GALNT13: variants seen among roughly 807,000 people sequenced by gnomAD.
GALNT13 encodes polypeptide N-acetylgalactosaminyltransferase 13.
Under a neutral mutation model 64.2 loss-of-function variants are expected in GALNT13, and 28 were observed. The observed-to-expected ratio is 0.44, with a 90% CI of 0.32 to 0.60. The LOEUF is 0.60. Ranked by LOEUF, GALNT13 falls within the 20% of genes least tolerant of loss-of-function variation. GALNT13 has a pLI of 0.05. For missense variants in GALNT13, 577 were observed against 669.8 expected, an observed-to-expected ratio of 0.86 and a Z score of 1.53; for synonymous variants, 214 against 224.6, an observed-to-expected ratio of 0.95 and a Z score of 0.42.
At chr2:154,224,213 A>G (rs1053508037) in intron 4 of GALNT13, among the ~76,000 whole-genome samples, 3 of 152,118 alleles carry the variant, frequency 2.0e-5, no homozygotes, top group Non-Finnish European at 4.4e-5. Context: ...AAATGTAGCT[A>G]TGATAAATCT....
intron 3 of GALNT13, among the ~76,000 whole-genome samples, chr2:154,055,854 A>G (rs1465724165): frequency 6.6e-6 from 1 of 152,126 alleles, no homozygotes; most frequent in Non-Finnish European, 1.5e-5. Context: ...CAAAGGCAGT[A>G]GGGTATGATC....
chr2:153,750,757 T>TA, the GALNT13 span, among the ~76,000 whole-genome samples: 1 of 151,862 alleles, frequency 6.6e-6, no homozygotes, highest in Admixed American at 6.6e-5. Context: ...GTTTAATTTT[T>TA]AAAAAAACAA....
chr2:154,039,393 A>C (rs1367231641), intron 3 of GALNT13, among the ~76,000 whole-genome samples: 1 of 140,592 alleles, frequency 7.1e-6, no homozygotes, highest in Non-Finnish European at 1.6e-5. Context: ...GATCAAGAAA[A>C]ATGTGGTATG....
At chr2:153,783,398 G>GT in the GALNT13 span, among the ~76,000 whole-genome samples, 1 of 143,136 alleles carries the variant, frequency 7.0e-6, no homozygotes, top group Non-Finnish European at 1.6e-5. Context: ...TTCTGTTTTT[G>GT]TTTTTTTGTT....
At chr2:153,172,594 C>T in the GALNT13 span, among the ~76,000 whole-genome samples, 3 of 152,094 alleles carry the variant, frequency 2.0e-5, no homozygotes, top group African/African-American at 4.8e-5. Flanking sequence ...GGGCAGGTAC[C>T]AACAATGCCC....
At chr2:153,322,318 C>A in the GALNT13 span, among the ~76,000 whole-genome samples, 1 of 152,020 alleles carries the variant, frequency 6.6e-6, no homozygotes, top group Non-Finnish European at 1.5e-5. Flanking sequence ...CCAGCTGAAT[C>A]CATGTTGCTG....
intron 2 of GALNT13, among the ~76,000 whole-genome samples, chr2:153,907,037 A>T (rs924521864): frequency 1.4e-4 from 22 of 152,132 alleles, no homozygotes; most frequent in Non-Finnish European, 2.1e-4. Context: ...GGCTGCATAA[A>T]TGTCTTCTTT....
chr2:153,752,955 T>C, the GALNT13 span, among the ~76,000 whole-genome samples: 1 of 152,154 alleles, frequency 6.6e-6, no homozygotes, highest in Non-Finnish European at 1.5e-5. Flanking sequence ...TCCTTTGAAC[T>C]CCTTTGTGTA....
chr2:154,346,866 A>G (rs941684335), intron 9 of GALNT13, among the ~76,000 whole-genome samples: 1 of 152,102 alleles, frequency 6.6e-6, no homozygotes, highest in African/African-American at 2.4e-5. Flanking sequence ...AGCCATGCAA[A>G]TTACATCTTC....
At chr2:153,088,687 G>T in the GALNT13 span, among the ~76,000 whole-genome samples, 11 of 152,040 alleles carry the variant, frequency 7.2e-5, no homozygotes, top group South Asian at 2.3e-3. Flanking sequence ...TTTTGCTGTT[G>T]AACTAATCCT....
the GALNT13 span, among the ~76,000 whole-genome samples, chr2:153,251,517 T>C: frequency 1.3e-5 from 2 of 152,112 alleles, no homozygotes; most frequent in African/African-American, 4.8e-5. Context: ...ATGTGCACAA[T>C]GTGCAGGTAA....
At chr2:153,995,863 TCAA>T (rs970926195) in intron 3 of GALNT13, among the ~76,000 whole-genome samples, 2 of 152,106 alleles carry the variant, frequency 1.3e-5, no homozygotes, top group African/African-American at 2.4e-5. Flanking sequence ...TAAACACTAT[TCAA>T]CTCTCCACTT....
intron 9 of GALNT13, among the ~76,000 whole-genome samples, chr2:154,305,364 T>C (rs986292976): frequency 7.9e-5 from 12 of 151,676 alleles, no homozygotes; most frequent in South Asian, 2.1e-4. Flanking sequence ...AACTATATCC[T>C]TTACTATAAT....
chr2:153,629,975 A>G, the GALNT13 span, among the ~76,000 whole-genome samples: 26,834 of 143,550 alleles, frequency 0.19, 2,689 homozygotes, highest in African/African-American at 0.25. Flanking sequence ...TTAGAATGGC[A>G]ATCATTAAAA....
chr2:154,432,190 C>T (rs987244406), intron 11 of GALNT13, among the ~76,000 whole-genome samples: 3 of 152,014 alleles, frequency 2.0e-5, no homozygotes, highest in African/African-American at 7.2e-5. Flanking sequence ...TATAAAACAC[C>T]TTTATGAAGA....
chr2:153,944,671 T>C (rs1220200393), intron 3 of GALNT13, 32 bp downstream of exon 3: 1 of 1,566,488 alleles, frequency 6.4e-7, no homozygotes, highest in South Asian at 1.2e-5. Context: ...ACTGTCTTTA[T>C]AGAGATGAGA....
chr2:153,435,069 C>T, the GALNT13 span, among the ~76,000 whole-genome samples: 2 of 152,272 alleles, frequency 1.3e-5, no homozygotes, highest in South Asian at 2.1e-4. Flanking sequence ...TTTCTCAGCA[C>T]CATTTATTAA....
the GALNT13 span, among the ~76,000 whole-genome samples, chr2:153,815,902 T>A: frequency 6.6e-6 from 1 of 152,196 alleles, no homozygotes; most frequent in Non-Finnish European, 1.5e-5. Flanking sequence ...TAAACCTACA[T>A]CCTAGGATAT....
chr2:154,159,277 G>C (rs1684599311), intron 4 of GALNT13, among the ~76,000 whole-genome samples: 1 of 152,078 alleles, frequency 6.6e-6, no homozygotes, highest in Admixed American at 6.6e-5. Flanking sequence ...TGGGATTACA[G>C]GCACATGCCA....
Sources: allele counts gnomAD v4.1 joint callset (sites outside exome capture counted in the v4.1 genomes callset), GRCh38; gene constraint gnomAD v4.1.1; transcripts MANE v1.5; gene names NCBI Gene and HGNC (gene_info 2026-07-23, HGNC 2026-07-21).